TCF7L2: variants seen among roughly 807,000 people sequenced by gnomAD.
TCF7L2 encodes transcription factor 7 like 2, also known as transcription factor 7-like 2.
TCF7L2 carries 23 observed loss-of-function variants against 77.9 expected under a neutral mutation model. The ratio of observed to expected loss-of-function variants is 0.30; its 90% CI spans 0.21 to 0.42. The LOEUF is 0.42. TCF7L2 is among the 10% of genes least tolerant of loss of function. The pLI, the probability that TCF7L2 is intolerant of heterozygous loss-of-function variation, is 1.00. For synonymous variants in TCF7L2, 413 were observed against 340.2 expected, an observed-to-expected ratio of 1.21 and a Z score of -2.36; for missense variants, 654 against 793.1, an observed-to-expected ratio of 0.82 and a Z score of 2.11.
At chr10:113,035,508 A>G (rs529814549) in intron 4 of TCF7L2, among the ~76,000 whole-genome samples, 1 of 152,308 alleles carries the variant, frequency 6.6e-6, no homozygotes, top group South Asian at 2.1e-4. Flanking sequence ...GCTGGAGTGC[A>G]GTGGTGCAAT....
At chr10:113,111,481 C>T (rs2063121531) in intron 5 of TCF7L2, among the ~76,000 whole-genome samples, 1 of 152,168 alleles carries the variant, frequency 6.6e-6, no homozygotes, top group Non-Finnish European at 1.5e-5. Context: ...ATTCCTCCTC[C>T]TCATTTTCAT....
chr10:112,957,534 A>G (rs1436050204), intron 3 of TCF7L2, among the ~76,000 whole-genome samples: 2 of 152,196 alleles, frequency 1.3e-5, no homozygotes, highest in Non-Finnish European at 2.9e-5. Context: ...AGGAGACAGA[A>G]TAAATGCCTA....
chr10:113,050,215 G>A (rs562251593), intron 5 of TCF7L2, among the ~76,000 whole-genome samples: 36 of 152,334 alleles, frequency 2.4e-4, no homozygotes, highest in African/African-American at 8.7e-4. Context: ...TTTACTCTTT[G>A]TCTTCCTGCT....
At chr10:113,006,823 G>A (rs1233054417) in intron 4 of TCF7L2, among the ~76,000 whole-genome samples, 1 of 152,216 alleles carries the variant, frequency 6.6e-6, no homozygotes. Context: ...CTGTGCTGCT[G>A]CTGGAAGTCC....
intron 4 of TCF7L2, among the ~76,000 whole-genome samples, chr10:113,035,997 T>C (rs999355182): frequency 1.3e-5 from 2 of 152,144 alleles, no homozygotes; most frequent in Non-Finnish European, 2.9e-5. Context: ...ACTTGCCCCG[T>C]CCATCTGTGG....
At chr10:113,011,812 A>G (rs1013355286) in intron 4 of TCF7L2, among the ~76,000 whole-genome samples, 2 of 151,090 alleles carry the variant, frequency 1.3e-5, no homozygotes, top group Admixed American at 6.6e-5. Context: ...GTTGAGTATT[A>G]CCACCTTGAG....
At chr10:112,993,935 G>A (rs541179423) in intron 4 of TCF7L2, among the ~76,000 whole-genome samples, 12 of 152,000 alleles carry the variant, frequency 7.9e-5, no homozygotes, top group African/African-American at 2.9e-4. Context: ...CATGCCTGTA[G>A]ACCCAGCTAC....
intron 4 of TCF7L2, among the ~76,000 whole-genome samples, chr10:112,993,374 TG>T (rs1252113448): frequency 2.0e-5 from 3 of 151,812 alleles, no homozygotes; most frequent in Non-Finnish European, 4.4e-5. Context: ...GGTGTGGTCG[TG>T]GGCACCTGTA....
At chr10:113,138,762 C>T (rs1302564150) in intron 5 of TCF7L2, among the ~76,000 whole-genome samples, 2 of 152,138 alleles carry the variant, frequency 1.3e-5, no homozygotes, top group African/African-American at 4.8e-5. Flanking sequence ...TGCCTGTGTG[C>T]GTGTGGTCCT....
chr10:113,113,776 C>A (rs150410453), intron 5 of TCF7L2, among the ~76,000 whole-genome samples: 1 of 152,074 alleles, frequency 6.6e-6, no homozygotes, highest in Non-Finnish European at 1.5e-5. Context: ...CCAAGGATTT[C>A]CATGTTAGTT....
At chr10:112,999,159 C>G (rs2044028397) in intron 4 of TCF7L2, among the ~76,000 whole-genome samples, 2 of 152,244 alleles carry the variant, frequency 1.3e-5, no homozygotes, top group Admixed American at 1.3e-4. Context: ...GTGCCTTTCC[C>G]CATTCTCATG....
intron 5 of TCF7L2, among the ~76,000 whole-genome samples, chr10:113,125,213 C>G (rs975176065): frequency 6.7e-6 from 1 of 149,042 alleles, no homozygotes; most frequent in Non-Finnish European, 1.5e-5. Flanking sequence ...CGCTCGTTCT[C>G]TGTTCTTTTT....
intron 4 of TCF7L2, among the ~76,000 whole-genome samples, chr10:113,006,117 A>G (rs2045503747): frequency 6.6e-6 from 1 of 152,166 alleles, no homozygotes; most frequent in Non-Finnish European, 1.5e-5. Flanking sequence ...GATTCCTTTT[A>G]GAGACTTTTC....
chr10:113,095,414 C>CT (rs979541654), intron 5 of TCF7L2, among the ~76,000 whole-genome samples: 3 of 152,168 alleles, frequency 2.0e-5, no homozygotes, highest in African/African-American at 7.2e-5. Context: ...CCCACATTGT[C>CT]TATCTGCCAA....
intron 4 of TCF7L2, among the ~76,000 whole-genome samples, chr10:113,031,870 G>T (rs2050276437): frequency 6.6e-6 from 1 of 152,082 alleles, no homozygotes; most frequent in Non-Finnish European, 1.5e-5. Context: ...GACTTCTCTG[G>T]GCCTCAGAAT....
chr10:112,956,344 CT>C (rs10711698), intron 3 of TCF7L2, among the ~76,000 whole-genome samples: 61,987 of 112,132 alleles, frequency 0.55, 17,831 homozygotes, highest in South Asian at 0.65. Context: ...AGTGATTTAC[CT>C]TTTTTTTTTT....
At chr10:113,046,480 C>T (rs1482809952) in intron 5 of TCF7L2, among the ~76,000 whole-genome samples, 1 of 152,138 alleles carries the variant, frequency 6.6e-6, no homozygotes, top group Non-Finnish European at 1.5e-5. Flanking sequence ...TGCAGTCTCT[C>T]TCCTGGAAAT....
intron 5 of TCF7L2, among the ~76,000 whole-genome samples, chr10:113,042,811 G>C (rs919481162): frequency 6.6e-6 from 1 of 152,186 alleles, no homozygotes; most frequent in Admixed American, 6.5e-5. Context: ...GCTGTTCTTT[G>C]GCTGGTACAG....
intron 13 of TCF7L2, among the ~76,000 whole-genome samples, chr10:113,162,506 A>T (rs1013124347): frequency 7.3e-5 from 11 of 150,966 alleles, no homozygotes; most frequent in African/African-American, 2.2e-4. Context: ...TTGATATATA[A>T]AAAAAAAATC....
Sources: gnomAD v4.1 joint callset for allele counts (sites outside exome capture counted in the v4.1 genomes callset) on GRCh38, gnomAD v4.1.1 for gene constraint, MANE v1.5 for transcripts, NCBI Gene and HGNC (gene_info 2026-07-23, HGNC 2026-07-21) for gene names.